NOS1: variants seen among roughly 807,000 people sequenced by gnomAD.
NOS1 encodes nitric oxide synthase 1.
Under a neutral mutation model 164.5 loss-of-function variants are expected in NOS1, and 51 were observed. That is an observed-to-expected ratio of 0.31 (90% CI 0.25 to 0.39). NOS1 has a LOEUF of 0.39. Among genes scored for constraint, NOS1 ranks in the 10% least tolerant of loss-of-function variants. The pLI, the probability that NOS1 is intolerant of heterozygous loss-of-function variation, is 1.00. For missense variants in NOS1, 1,362 were observed against 1,885.6 expected (o/e 0.72, Z 5.14); for synonymous variants, 719 against 745.8 (o/e 0.96, Z 0.59).
In NOS1 at chr12:117,286,129, C is replaced by G; in HGVS notation, c.1265G>C (p.Gly422Ala). Residue 422 changes from glycine to alanine, a missense_variant, in exon 6 of 29, where the codon GGC (glycine) becomes GCC (alanine). Physicochemically the swap from Gly to Ala is moderately conservative, Grantham distance 60 (BLOSUM62 0). Coordinates refer to ENST00000317775, the MANE Select transcript of NOS1 (RefSeq NM_000620.5). Reference protein sequence around the residue: ...HAWRNASRCVGRIQWSKLQVF... With the variant: ...HAWRNASRCVARIQWSKLQVF... ...CTGCAGCTTGGACCACTGGATCCTG[C>G]CCACACAGCGCGAGGCATTCCGCCA... The G allele has an allele frequency of 6.2e-7, 1 of 1,614,168 alleles. No homozygotes were observed. The highest frequency in any genetic ancestry group is 8.5e-7 in the Non-Finnish European group (1 of 1,180,028).
At chr12:117,260,696 A>T in intron 13 of NOS1, 87 bp from the exon 14 acceptor site, 1 of 1,407,974 alleles carries the variant, frequency 7.1e-7, no homozygotes, top group Non-Finnish European at 9.8e-7. Flanking sequence ...AAGAACCAGG[A>T]TCCATGAAAT....
Position 117,330,233 on chromosome 12 carries a change from C to T in NOS1, c.725+112G>A. The T allele has an allele frequency of 7.0e-7, 1 of 1,433,130 alleles. No individual in the cohort carries two copies. Among genetic ancestry groups the T allele is most frequent in the East Asian group, 2.4e-5 (1 of 42,344 alleles). 88.8% of individuals were successfully genotyped at this position (1,433,130 alleles called of 1,614,324 possible). A position where few individuals can be genotyped will look rare whatever the true frequency, so the allele number is the denominator to read the frequency against. ...GTTATGCAAAAACAGGTATCTGAGA[C>T]AGCCCAGGTTGGCTTCTGGGCTATG... On this transcript the variant is annotated intron_variant, in intron 2 of 28. Coordinates refer to ENST00000317775, the MANE Select transcript of NOS1 (RefSeq NM_000620.5). This position sits in a 1 kb window ranked among gnomAD's most constrained non-coding sequence, Gnocchi z 4.6.
At chr12:117,277,934 C>T in intron 9 of NOS1, 25 bp downstream of exon 9, 1 of 1,601,060 alleles carries the variant, frequency 6.2e-7, no homozygotes, top group East Asian at 2.2e-5. Flanking sequence ...CTCACCCTCT[C>T]CCACCCCTTG....
Position 117,331,078 on chromosome 12 carries a change from GC to G in NOS1, c.-10del, listed in dbSNP as rs1427332257. On this transcript the variant is annotated 5_prime_UTR_variant, in exon 2 of 29. Transcript: ENST00000317775. Reference sequence around the variant, plus strand: ...AACATGTGATCCTCCATGGTAACTAGCTTCCGAGGGGTCCTGTCTGAAGACC... The same window carrying G: ...AACATGTGATCCTCCATGGTAACTAGTTCCGAGGGGTCCTGTCTGAAGACC... The G allele has an allele frequency of 6.2e-7, 1 of 1,601,534 alleles. No homozygotes were observed. The highest frequency in any genetic ancestry group is 1.1e-5 in the South Asian group (1 of 88,450).
chr12:117,217,702 CA>C (rs113163267), intron 28 of NOS1, among the ~76,000 whole-genome samples: 20,186 of 139,722 alleles, frequency 0.14, 1,641 homozygotes, highest in Admixed American at 0.31. Context: ...AAGACTCCGT[CA>C]AAAAAAAAAA....
intron 1 of NOS1, among the ~76,000 whole-genome samples, chr12:117,339,485 A>G (rs1020171301): frequency 6.6e-6 from 1 of 152,224 alleles, no homozygotes; most frequent in Non-Finnish European, 1.5e-5. Context: ...CTCCAAATTT[A>G]AAATACATAT....
At chr12:117,236,086 C>T (rs1869684233) in intron 20 of NOS1, among the ~76,000 whole-genome samples, 1 of 152,196 alleles carries the variant, frequency 6.6e-6, no homozygotes, top group Admixed American at 6.5e-5. Context: ...ATCTGTATTT[C>T]AGTACAGATA....
At chr12:117,246,449 T>C (rs866559837) in intron 18 of NOS1, among the ~76,000 whole-genome samples, 22 of 152,306 alleles carry the variant, frequency 1.4e-4, no homozygotes, top group Middle Eastern at 6.8e-3. Context: ...TTTAATTTTG[T>C]ACTGTATAGA....
At chr12:117,307,003 C>T (rs1010367669) in intron 3 of NOS1, among the ~76,000 whole-genome samples, 1 of 152,146 alleles carries the variant, frequency 6.6e-6, no homozygotes, top group African/African-American at 2.4e-5. Flanking sequence ...AGGTCCTGTT[C>T]TCAATGTTGA....
rs552798711 is a variant in NOS1 at position 117,279,714 on chromosome 12, C to T, written c.1524+1011G>A. On this transcript the variant is annotated intron_variant, in intron 8 of 28. Transcript: ENST00000317775. ...TGGGGCATTTATGTTCTGGTGACCA[C>T]GAGGACAAGGTCAGCCAAGTACACA... Among the ~76,000 whole-genome samples the T allele has an allele frequency of 2.0e-4, 30 of 152,274 alleles. 1 individual carries two copies. In the South Asian group the frequency reaches 5.6e-3, roughly 28 times the overall value.
intron 12 of NOS1, 85 bp downstream of exon 12, chr12:117,265,231 A>G: frequency 1.6e-6 from 2 of 1,277,726 alleles, no homozygotes; most frequent in East Asian, 5.2e-5. Context: ...CCAGAGCACT[A>G]GCCTGGGTTG....
Position 117,287,372 on chromosome 12 carries a change from A to G in NOS1, c.1127+702T>C, listed in dbSNP as rs372016267. On this transcript the variant is annotated intron_variant, in intron 5 of 28. Transcript: ENST00000317775. ...TCCCTTTGATTTTTACAGTTGTTAT[A>G]GTATTCCATCACTGGAATATACCAT... Among the ~76,000 whole-genome samples the G allele has an allele frequency of 7.1e-4, 108 of 152,090 alleles. 1 individual carries two copies. Among genetic ancestry groups the G allele is most frequent in the African/African-American group, 2.4e-3 (98 of 41,460 alleles).
rs369052450 is a variant in NOS1 at position 117,247,471 on chromosome 12, G to A, written c.2700C>T (p.Phe900=). The A allele has an allele frequency of 1.3e-5, 21 of 1,612,692 alleles. No individual in the cohort carries two copies. Among genetic ancestry groups the A allele is most frequent in the Middle Eastern group, 3.3e-4 (2 of 6,078 alleles). ...CCAGGAGGGTGTCCACAGCGTGTCC[G>A]AAGGCGCAAAAGTGAGGGTATGCTC... ...GSRAYPHFCA[F]GHAVDTLLEE... Residue 900 remains phenylalanine (F), a synonymous_variant, in exon 18 of 29, where the codon TTC becomes TTT. Coordinates refer to ENST00000317775, the MANE Select transcript of NOS1 (RefSeq NM_000620.5).
At position 117,226,721 on chromosome 12, in the gene NOS1, C is replaced by G; in HGVS notation, c.3666G>C (p.Arg1222=). The change falls in exon 24 of 29, where the codon CGG becomes CGC. Residue 1222 remains arginine (R), a synonymous_variant. Transcript: ENST00000317775. ...HHGVCSSWLN[R]IQADELVPCF... is the part of the protein sequence containing the mutation. The stretch of plus-strand genomic sequence containing the variant: ...AGGGGACCAGTTCGTCAGCCTGTAT[C>G]CGGTTGAGCCAGGAGGAGCATACGC... 2 of 1,614,008 alleles carry G rather than the reference C, an allele frequency of 1.2e-6. No homozygotes were observed. Among genetic ancestry groups the G allele is most frequent in the Non-Finnish European group, 8.5e-7 (1 of 1,179,972 alleles).
chr12:117,322,334 C>T, intron 2 of NOS1, among the ~76,000 whole-genome samples: 2 of 117,254 alleles, frequency 1.7e-5, no homozygotes, highest in African/African-American at 3.0e-5. Context: ...TCCCTCCTTC[C>T]TTCCCTCCCT....
At chr12:117,342,135 T>G (rs12319061) in intron 1 of NOS1, among the ~76,000 whole-genome samples, 8,389 of 152,188 alleles carry the variant, frequency 0.055, 646 homozygotes, top group African/African-American at 0.17. Flanking sequence ...CCTCCCTCTT[T>G]CTCTCCTTTG....
intron 1 of NOS1, among the ~76,000 whole-genome samples, chr12:117,346,763 C>G (rs927334797): frequency 5.3e-5 from 8 of 151,868 alleles, no homozygotes; most frequent in African/African-American, 1.9e-4. Context: ...CTTCTAAAGC[C>G]CCGTGTGACT....
chr12:117,230,645 T>C (rs1869133054), intron 22 of NOS1, among the ~76,000 whole-genome samples: 1 of 152,234 alleles, frequency 6.6e-6, no homozygotes, highest in East Asian at 1.9e-4. Flanking sequence ...CTGGGTAGAA[T>C]TTTTATTGAG....
intron 2 of NOS1, among the ~76,000 whole-genome samples, chr12:117,316,592 A>G (rs893493760): frequency 6.6e-6 from 1 of 152,184 alleles, no homozygotes; most frequent in East Asian, 1.9e-4. Context: ...TGAGTGATGT[A>G]TATTTCCATT....
Sources: gnomAD v4.1 joint callset for allele counts (sites outside exome capture counted in the v4.1 genomes callset) on GRCh38, gnomAD v4.1.1 for gene constraint, Gnocchi (gnomAD v3.1) non-coding constraint, MANE v1.5 for transcripts, NCBI Gene and HGNC (gene_info 2026-07-23, HGNC 2026-07-21) for gene names.